The following VEPH1 variants were observed in gnomAD, a reference collection of about 807,000 sequenced individuals.
The protein encoded by VEPH1 is ventricular zone-expressed PH domain-containing protein homolog 1.
A neutral mutation model predicts 85.2 loss-of-function variants in VEPH1; 80 were observed. The observed-to-expected ratio is 0.94, with a 90% CI of 0.78 to 1.13. The LOEUF (loss-of-function observed/expected upper bound fraction) is 1.13. VEPH1 is among the 50% of genes most tolerant of loss of function. The pLI, the probability that VEPH1 is intolerant of heterozygous loss-of-function variation, is 0.00. For missense variants in VEPH1, 955 were observed against 980.5 expected (o/e 0.97, Z 0.35); for synonymous variants, 297 against 348.0 (o/e 0.85, Z 1.63).
chr3:157,308,172 CT>C (rs1719722112), intron 11 of VEPH1, among the ~76,000 whole-genome samples: 1 of 125,186 alleles, frequency 8.0e-6, no homozygotes, highest in African/African-American at 2.5e-5. Flanking sequence ...ATCTCTATCT[CT>C]TTCTCTTTCT....
At chr3:157,424,051 G>A (rs760433527) in intron 5 of VEPH1, among the ~76,000 whole-genome samples, 2 of 152,038 alleles carry the variant, frequency 1.3e-5, no homozygotes, top group African/African-American at 4.8e-5. Flanking sequence ...CTCCCAAATC[G>A]CATGTTGAAT....
intron 4 of VEPH1, among the ~76,000 whole-genome samples, chr3:157,445,134 T>C (rs747482857): frequency 1.3e-5 from 2 of 152,184 alleles, no homozygotes; most frequent in South Asian, 4.1e-4. Flanking sequence ...TCAGCAACCA[T>C]CTTAGACCAG....
chr3:157,344,703 A>G (rs1225468520), intron 9 of VEPH1, among the ~76,000 whole-genome samples: 1 of 152,228 alleles, frequency 6.6e-6, no homozygotes, highest in Non-Finnish European at 1.5e-5. Context: ...ACCAAAAAAG[A>G]GCCCGCATTG....
intron 4 of VEPH1, among the ~76,000 whole-genome samples, chr3:157,450,355 C>T (rs1054089492): frequency 4.0e-5 from 6 of 151,890 alleles, no homozygotes; most frequent in African/African-American, 9.7e-5. Context: ...CCACACCCAG[C>T]CAGAATATTT....
At chr3:157,272,366 TTC>T (rs1412373913) in intron 12 of VEPH1, among the ~76,000 whole-genome samples, 3 of 123,972 alleles carry the variant, frequency 2.4e-5, no homozygotes, top group Admixed American at 9.2e-5. Context: ...CTTTCTTTCT[TTC>T]TCTTTCTTTT....
intron 4 of VEPH1, 81 bp downstream of exon 4, chr3:157,460,100 C>T: frequency 6.2e-7 from 1 of 1,612,884 alleles, no homozygotes; most frequent in Admixed American, 1.7e-5. Context: ...GGTCTTGCTT[C>T]CCACAAACCA....
chr3:157,383,512 A>G (rs1351856592), intron 6 of VEPH1, among the ~76,000 whole-genome samples: 1 of 152,230 alleles, frequency 6.6e-6, no homozygotes, highest in Non-Finnish European at 1.5e-5. Context: ...GCTTTACAAT[A>G]AATATTTAAT....
At chr3:157,475,541 A>G (rs906797678) in intron 2 of VEPH1, among the ~76,000 whole-genome samples, 5 of 152,188 alleles carry the variant, frequency 3.3e-5, no homozygotes, top group Non-Finnish European at 5.9e-5. Flanking sequence ...TGGACCAGAC[A>G]TGAAAAAAGC....
chr3:157,352,773 T>C (rs1444962318), intron 9 of VEPH1, among the ~76,000 whole-genome samples: 1 of 152,210 alleles, frequency 6.6e-6, no homozygotes, highest in Non-Finnish European at 1.5e-5. Context: ...AGGGATTAAT[T>C]GCATTTAGAG....
At chr3:157,417,067 TG>T (rs1480438920) in intron 5 of VEPH1, among the ~76,000 whole-genome samples, 1 of 150,768 alleles carries the variant, frequency 6.6e-6, no homozygotes, top group Admixed American at 6.6e-5. Context: ...AAACAAAAGT[TG>T]TTTTTTTTTT....
rs942446464 is a variant in VEPH1 at position 157,502,237 on chromosome 3, A to G, written c.-158+1040T>C. ...TGTAGCAGGCTTATTTCATAAGTAC[A>G]TGAAAAAAATAGATTTGGTGACCTA... On this transcript the variant is annotated intron_variant, in intron 1 of 13. Coordinates refer to ENST00000362010, the MANE Select transcript of VEPH1 (RefSeq NM_001167912.2). Among the ~76,000 whole-genome samples, 13 of 152,346 alleles carry G rather than the reference A, an allele frequency of 8.5e-5. No individual in the cohort carries two copies. In the East Asian group the frequency reaches 1.3e-3, roughly 16 times the overall value.
intron 3 of VEPH1, among the ~76,000 whole-genome samples, chr3:157,464,258 C>T (rs140862265): frequency 0.01 from 1,549 of 152,306 alleles, 17 homozygotes; most frequent in Non-Finnish European, 0.017. Flanking sequence ...ATGGACCTAA[C>T]AGGTACCAAA....
intron 7 of VEPH1, among the ~76,000 whole-genome samples, chr3:157,377,539 C>T (rs561686313): frequency 1.2e-4 from 19 of 152,234 alleles, no homozygotes; most frequent in East Asian, 1.9e-4. Flanking sequence ...ATAATCTCCA[C>T]GTGTCAAGGG....
chr3:157,353,878 A>T (rs1366829514), intron 9 of VEPH1, among the ~76,000 whole-genome samples: 1 of 152,180 alleles, frequency 6.6e-6, no homozygotes, highest in African/African-American at 2.4e-5. Flanking sequence ...GTGTGCTGGC[A>T]TGTAGTAGGC....
At chr3:157,336,042 T>G (rs1722935790) in intron 9 of VEPH1, among the ~76,000 whole-genome samples, 1 of 152,204 alleles carries the variant, frequency 6.6e-6, no homozygotes, top group Non-Finnish European at 1.5e-5. Flanking sequence ...CTTCTCATTT[T>G]CTACTCCTTC....
intron 12 of VEPH1, among the ~76,000 whole-genome samples, chr3:157,268,828 A>G (rs917924546): frequency 6.6e-6 from 1 of 152,032 alleles, no homozygotes; most frequent in Non-Finnish European, 1.5e-5. Flanking sequence ...GCTCACTGCA[A>G]CCTCTGCCTC....
At chr3:157,289,185 G>A (rs941649394) in intron 11 of VEPH1, among the ~76,000 whole-genome samples, 13 of 152,152 alleles carry the variant, frequency 8.5e-5, no homozygotes, top group Non-Finnish European at 1.9e-4. Flanking sequence ...TTACTTCTCT[G>A]TTTCCCACAC....
At chr3:157,274,314 T>C (rs894992594) in intron 12 of VEPH1, among the ~76,000 whole-genome samples, 1 of 152,206 alleles carries the variant, frequency 6.6e-6, no homozygotes, top group Admixed American at 6.5e-5. Context: ...TTCACTGTGA[T>C]GAACAGGTGG....
At chr3:157,322,174 C>A (rs1453212767) in intron 9 of VEPH1, among the ~76,000 whole-genome samples, 1 of 152,190 alleles carries the variant, frequency 6.6e-6, no homozygotes, top group African/African-American at 2.4e-5. Context: ...ATGAATTTGA[C>A]TACTCTAGGT....
Sources: allele counts gnomAD v4.1 joint callset (sites outside exome capture counted in the v4.1 genomes callset), GRCh38; gene constraint gnomAD v4.1.1; transcripts MANE v1.5; gene names NCBI Gene and HGNC (gene_info 2026-07-23, HGNC 2026-07-21).